Variants in FN1 observed in about 807,000 individuals in gnomAD.
FN1 encodes the protein fibronectin 1.
In FN1, 106 loss-of-function variants were observed where a neutral mutation model predicts 297.3. That is an observed-to-expected ratio of 0.36 (90% CI 0.30 to 0.42). The LOEUF (loss-of-function observed/expected upper bound fraction) is 0.42, where lower values mean the gene tolerates loss of function less well. Ranked by LOEUF, FN1 falls within the 10% of genes least tolerant of loss-of-function variation. The pLI is 1.00. For synonymous variants in FN1, 1,149 were observed against 1,152.6 expected (o/e 1.00, Z 0.06); for missense variants, 2,690 against 3,124.9 (o/e 0.86, Z 3.32).
intron 13 of FN1, among the ~76,000 whole-genome samples, chr2:215,412,760 CTTTTTTTTTT>C (rs10524797): frequency 3.1e-5 from 3 of 97,570 alleles, no homozygotes; most frequent in Non-Finnish European, 6.1e-5. Context: ...TATTAAGTAT[CTTTTTTTTTT>C]TTTTTTTTTT....
chr2:215,434,969 G>T, intron 1 of FN1, 145 bp from the exon 2 acceptor site: 1 of 910,988 alleles, frequency 1.1e-6, no homozygotes. Flanking sequence ...TTTCCATCTG[G>T]CCAGGGGTCT....
chr2:215,424,248 A>G lies in FN1; in HGVS notation c.1114T>C (p.Tyr372His), dbSNP rs1446734704. ...TGTCGCCCTTCTGTGGTGCAGGAGT[A>G]GAACGTCCTGCCATTGTAGGTGAAT... The part of the protein sequence containing the change: ...LPFTYNGRTF[Y>H]SCTTEGRQDG... Residue 372 changes from tyrosine to histidine, a missense_variant, in exon 8 of 46, where the codon TAC becomes CAC. Tyr to His is a moderately conservative substitution (Grantham distance 83). Transcript: ENST00000354785. 1 of 1,613,796 alleles carries G rather than the reference A, an allele frequency of 6.2e-7. No homozygotes were observed. Among genetic ancestry groups the G allele is most frequent in the South Asian group, 1.1e-5 (1 of 91,072 alleles).
chr2:215,408,733 A>AT (rs552107568), intron 15 of FN1, among the ~76,000 whole-genome samples: 6 of 151,418 alleles, frequency 4.0e-5, no homozygotes, highest in Admixed American at 1.3e-4. Flanking sequence ...ACACCCGGCT[A>AT]TTTTTTTTGC....
chr2:215,365,283 TACTC>T (rs1358320686), intron 43 of FN1, among the ~76,000 whole-genome samples: 2 of 152,176 alleles, frequency 1.3e-5, no homozygotes, highest in African/African-American at 2.4e-5. Context: ...ATGGTCAAAA[TACTC>T]AGGTTGGACA....
chr2:215,361,846 A>C (rs1395642652), intron 45 of FN1, 123 bp downstream of exon 45: 1 of 1,352,432 alleles, frequency 7.4e-7, no homozygotes, highest in East Asian at 2.5e-5. Flanking sequence ...GTTTCACTTA[A>C]GTCATTTATG....
chr2:215,378,070 A>G (rs2057635148), intron 35 of FN1, 105 bp downstream of exon 35: 1 of 799,446 alleles, frequency 1.3e-6, no homozygotes, highest in South Asian at 1.4e-5. Flanking sequence ...AGCTTCCCAA[A>G]GTGCTTGGAT....
chr2:215,392,765 A>C, intron 25 of FN1, 166 bp downstream of exon 25: 3 of 715,920 alleles, frequency 4.2e-6, no homozygotes, highest in South Asian at 1.6e-5. Flanking sequence ...GTTTTTCTCC[A>C]ATCAGTTTAG....
At chr2:215,401,264 A>AAGGAAGGAAGGAAGGAAGGAAGGG (rs2061103801) in intron 20 of FN1, among the ~76,000 whole-genome samples, 1 of 62,596 alleles carries the variant, frequency 1.6e-5, no homozygotes, top group African/African-American at 7.4e-5. Flanking sequence ...GAAAGAAAGG[A>AAGGAAGGAAGGAAGGAAGGAAGGG]AGGAAAGGAA....
chr2:215,375,582 G>T, intron 37 of FN1, 47 bp downstream of exon 37: 2 of 1,381,676 alleles, frequency 1.4e-6, no homozygotes, highest in South Asian at 1.2e-5. Flanking sequence ...TCATGAAACT[G>T]ATTGCATACA....
rs1369574351 is a variant in FN1, at chr2:215,373,393, T to C, written c.6176A>G (p.Glu2059Gly). The C allele has an allele frequency of 1.2e-6, 2 of 1,613,204 alleles. No homozygotes were observed. Among genetic ancestry groups the C allele is most frequent in the Non-Finnish European group, 1.7e-6 (2 of 1,179,396 alleles). The change falls in exon 39 of 46, where the codon GAA (glutamate) becomes GGA (glycine). Residue 2059 changes from glutamate (E) to glycine (G), a missense_variant. By Grantham distance (98) the Glu-to-Gly change is moderately conservative. This residue lies in a region of FN1 where 1,743 missense variants were observed against 1,945.2 expected (regional missense o/e 0.90). Coordinates refer to ENST00000354785, the MANE Select transcript of FN1 (RefSeq NM_212482.4). ...ATITGLEPGT[E>G]YTIYVIALKN... ...CAGGGCAATGACATAAATTGTATAT[T>C]CGGTTCCCGGTTCCAGGCCTGAAGG...
intron 18 of FN1, 26 bp from the exon 19 acceptor site, chr2:215,406,536 T>C: frequency 6.2e-7 from 1 of 1,611,704 alleles, no homozygotes; most frequent in East Asian, 2.2e-5. Context: ...CAACTGGTCA[T>C]TCACATTCTC....
In FN1 at chr2:215,383,352, T is replaced by C. The variant is rs1319987724; in HGVS notation, c.5026A>G (p.Thr1676Ala). 1 of 1,614,176 alleles carries C rather than the reference T, an allele frequency of 6.2e-7. No individual in the cohort carries two copies. Among genetic ancestry groups the C allele is most frequent in the Non-Finnish European group, 8.5e-7 (1 of 1,180,026 alleles). The change falls in exon 31 of 46, where the codon ACA becomes GCA. Residue 1676 changes from threonine (T) to alanine (A), a missense_variant. Coordinates refer to ENST00000354785, the MANE Select transcript of FN1 (RefSeq NM_212482.4). ...CCTGGACCTGCAGTTTTAGTTTTTGTTGGTCCTGGTCCATTTTTGGGAGTG... is the reference window on the plus strand; with the variant it reads ...CCTGGACCTGCAGTTTTAGTTTTTGCTGGTCCTGGTCCATTTTTGGGAGTG... ...TTTPKNGPGPTKTKTAGPDQT... is the reference protein window; with the variant it reads ...TTTPKNGPGPAKTKTAGPDQT...
Position 215,386,580 on chromosome 2 carries a change from T to TTC in FN1, c.4612+108_4612+109insGA, listed in dbSNP as rs777354046. 5.2e-6 allele frequency: 3 copies of TTC among 576,706 alleles called. No homozygotes were observed. The African/African-American group carries it at 6.0e-5, about 12-fold the overall frequency. The allele number at this position is 576,706 out of a possible 1,614,324, so 35.7% of individuals were successfully genotyped here. A position where few individuals can be genotyped will look rare whatever the true frequency, so the allele number is the denominator to read the frequency against. Reference sequence around the variant, plus strand: ...ATGACAATGATCTATTTTTTTTTTTTTTTTTTTTTTTTTTGAGAGCTGATG... The same window carrying TTC: ...ATGACAATGATCTATTTTTTTTTTTTTCTTTTTTTTTTTTTTGAGAGCTGATG... On this transcript the variant is annotated intron_variant, in intron 28 of 45. Transcript: ENST00000354785.
chr2:215,368,516 A>C (rs1049988361), intron 41 of FN1, among the ~76,000 whole-genome samples: 32 of 152,244 alleles, frequency 2.1e-4, no homozygotes, highest in Non-Finnish European at 8.8e-5. Flanking sequence ...TGAATTCAAA[A>C]CATTGACCCT....
At chr2:215,365,013 G>C (rs771761173) in intron 43 of FN1, 28 bp from the exon 44 acceptor site, 2 of 1,401,664 alleles carry the variant, frequency 1.4e-6, no homozygotes, top group East Asian at 2.4e-5. Context: ...ACAGATGCAC[G>C]CATAAGCTGA....
At chr2:215,432,721 GCTAAA>G (rs903999891) in intron 3 of FN1, among the ~76,000 whole-genome samples, 4 of 151,954 alleles carry the variant, frequency 2.6e-5, no homozygotes, top group African/African-American at 7.3e-5. Flanking sequence ...GAGTGCCTTA[GCTAAA>G]CTAGAGTTGA....
At chr2:215,369,215 TAA>T (rs58108373) in intron 41 of FN1, among the ~76,000 whole-genome samples, 2,166 of 137,980 alleles carry the variant, frequency 0.016, 48 homozygotes, top group African/African-American at 0.053. Context: ...ATGGAATCTT[TAA>T]AAAAAAAAAA....
intron 11 of FN1, among the ~76,000 whole-genome samples, chr2:215,420,047 A>C (rs2064008116): frequency 6.6e-6 from 1 of 151,592 alleles, no homozygotes; most frequent in African/African-American, 2.4e-5. Context: ...TCTATTTTGA[A>C]GGGCGGCCAA....
intron 1 of FN1, among the ~76,000 whole-genome samples, chr2:215,435,339 T>C (rs1308244539): frequency 6.6e-6 from 1 of 152,072 alleles, no homozygotes; most frequent in Non-Finnish European, 1.5e-5. Context: ...AGACGGAAAA[T>C]TTATAGACAT....
Sources: allele counts gnomAD v4.1 joint callset (sites outside exome capture counted in the v4.1 genomes callset), GRCh38; gene constraint gnomAD v4.1.1; regional missense constraint gnomAD v4.1.1; transcripts MANE v1.5; gene names NCBI Gene and HGNC (gene_info 2026-07-23, HGNC 2026-07-21).